The following CAMTA1 variants were observed in gnomAD, a reference collection of about 807,000 sequenced individuals.
The protein encoded by CAMTA1 is calmodulin binding transcription activator 1, also known as calmodulin-binding transcription activator 1.
CAMTA1 carries 27 observed loss-of-function variants against 170.9 expected under a neutral mutation model. The observed-to-expected ratio is 0.16, with a 90% CI of 0.12 to 0.22. The LOEUF (loss-of-function observed/expected upper bound fraction) is 0.22, where lower values mean the gene tolerates loss of function less well. Ranked by LOEUF, CAMTA1 falls within the 10% of genes least tolerant of loss-of-function variation. The probability of loss-of-function intolerance (pLI) is 1.00; values close to 1 mark genes in which losing one functional copy is unlikely to be tolerated. For missense variants in CAMTA1, 1,619 were observed against 2,217.2 expected, an observed-to-expected ratio of 0.73 and a Z score of 5.42; for synonymous variants, 833 against 891.5, an observed-to-expected ratio of 0.93 and a Z score of 1.17.
intron 3 of CAMTA1, 78 bp downstream of exon 3, chr1:6,825,288 A>G (rs1646979141): frequency 1.5e-6 from 1 of 680,448 alleles, no homozygotes; most frequent in South Asian, 1.9e-5. Flanking sequence ...GTCCTACTTT[A>G]TGTTAGCTTT....
rs1311465372 is a variant in CAMTA1, at chr1:7,234,309, C to T, written c.303-15182C>T. ...GTCCTTGCCTTCGCCTCCGCTTCCA[C>T]CCAGATGCTGCGTCCTGGGAGAGGC... On this transcript the variant is annotated intron_variant, in intron 4 of 22. Coordinates refer to ENST00000303635, the MANE Select transcript of CAMTA1 (RefSeq NM_015215.4). The surrounding 1 kb of genome is among the most constrained non-coding windows in gnomAD (Gnocchi z 5.0). Among the ~76,000 whole-genome samples the T allele has an allele frequency of 6.6e-6, 1 of 152,226 alleles. No individual in the cohort carries two copies.
chr1:7,089,491 T>G (rs573718443), intron 3 of CAMTA1, among the ~76,000 whole-genome samples: 1 of 152,274 alleles, frequency 6.6e-6, no homozygotes, highest in African/African-American at 2.4e-5. Context: ...CTCACTCACG[T>G]GTGCATGCAT....
intron 3 of CAMTA1, among the ~76,000 whole-genome samples, chr1:6,841,182 T>G (rs1201589785): frequency 4.6e-5 from 7 of 152,226 alleles, no homozygotes; most frequent in African/African-American, 2.4e-5. Flanking sequence ...TTCTGCCTCT[T>G]TCTTCCACTT....
chr1:7,220,587 T>C (rs530095119), intron 4 of CAMTA1, among the ~76,000 whole-genome samples: 1 of 152,228 alleles, frequency 6.6e-6, no homozygotes, highest in South Asian at 2.1e-4. Context: ...CTTCTCTTGT[T>C]CTCTGTGGGT....
intron 5 of CAMTA1, among the ~76,000 whole-genome samples, chr1:7,356,643 G>A (rs2085137129): frequency 6.6e-6 from 1 of 152,156 alleles, no homozygotes; most frequent in East Asian, 1.9e-4. Context: ...CTGTCCCCAG[G>A]GTCCCTCTAG....
At chr1:6,968,937 C>T (rs1429658077) in intron 3 of CAMTA1, among the ~76,000 whole-genome samples, 15 of 152,080 alleles carry the variant, frequency 9.9e-5, no homozygotes. Context: ...AGGTGGGCTG[C>T]AGAGGCACGG....
chr1:7,640,934 C>T (rs552513713), intron 7 of CAMTA1, among the ~76,000 whole-genome samples: 4 of 152,184 alleles, frequency 2.6e-5, no homozygotes, highest in Admixed American at 2.0e-4. Context: ...CGGACCCTGC[C>T]TCCTGCCTTG....
chr1:7,355,286 A>G (rs897502990), intron 5 of CAMTA1, among the ~76,000 whole-genome samples: 2 of 47,610 alleles, frequency 4.2e-5, no homozygotes, highest in African/African-American at 1.9e-4. Context: ...CGGGAGGCTG[A>G]GGTGGGAAGA....
intron 3 of CAMTA1, among the ~76,000 whole-genome samples, chr1:6,864,536 C>T (rs1486178580): frequency 6.6e-6 from 1 of 152,194 alleles, no homozygotes; most frequent in Non-Finnish European, 1.5e-5. Flanking sequence ...CGTCTCTTGT[C>T]ACCTCTCTCA....
chr1:7,583,492 G>A (rs369511891), intron 6 of CAMTA1, among the ~76,000 whole-genome samples: 11 of 152,220 alleles, frequency 7.2e-5, no homozygotes, highest in East Asian at 1.9e-4. Flanking sequence ...CTGGTGGACC[G>A]GGCTGCACCA....
chr1:7,603,898 C>T (rs1430737849), intron 6 of CAMTA1, among the ~76,000 whole-genome samples: 4 of 152,096 alleles, frequency 2.6e-5, no homozygotes, highest in South Asian at 2.1e-4. Flanking sequence ...AATCTCTCAG[C>T]GTTTGCTTGT....
chr1:6,794,752 G>A (rs1336024457), intron 1 of CAMTA1, among the ~76,000 whole-genome samples: 1 of 152,074 alleles, frequency 6.6e-6, no homozygotes, highest in Non-Finnish European at 1.5e-5. Flanking sequence ...ATTACTAGTT[G>A]TATTTTCAGT....
At chr1:7,545,136 G>A (rs532471116) in intron 6 of CAMTA1, among the ~76,000 whole-genome samples, 18 of 152,222 alleles carry the variant, frequency 1.2e-4, no homozygotes, top group Admixed American at 3.3e-4. Context: ...TGCTTATGCC[G>A]TTATTTTTGT....
intron 1 of CAMTA1, among the ~76,000 whole-genome samples, chr1:6,788,445 C>A (rs11122148): frequency 0.15 from 23,057 of 152,132 alleles, 1,851 homozygotes; most frequent in East Asian, 0.29. Flanking sequence ...AGCATTGAGT[C>A]GTCCAGTGGG....
intron 3 of CAMTA1, among the ~76,000 whole-genome samples, chr1:6,861,733 A>G (rs1273858176): frequency 2.0e-5 from 3 of 152,168 alleles, no homozygotes; most frequent in South Asian, 2.1e-4. Context: ...TAAAATATAC[A>G]TATATAAAAT....
At chr1:7,495,077 C>T (rs1412057758) in intron 6 of CAMTA1, among the ~76,000 whole-genome samples, 3 of 152,084 alleles carry the variant, frequency 2.0e-5, no homozygotes, top group African/African-American at 7.2e-5. Context: ...AGTGGCTGCC[C>T]CCGTCGTTTA....
intron 4 of CAMTA1, among the ~76,000 whole-genome samples, chr1:7,112,021 C>T (rs749247993): frequency 9.2e-5 from 14 of 152,124 alleles, no homozygotes; most frequent in East Asian, 1.9e-4. Context: ...ATGGCTGTCA[C>T]GTATCTCTGT....
chr1:7,758,921 C>T lies in CAMTA1; in HGVS notation c.4989+3253C>T, dbSNP rs1044084251. Among the ~76,000 whole-genome samples the T allele has an allele frequency of 7.9e-5, 9 of 113,440 alleles. No homozygotes were observed. The South Asian group carries it at 8.4e-4, about 11-fold the overall frequency. The allele number at this position is 113,440 out of a possible 152,430, so 74.4% of individuals were successfully genotyped here. ...CTGCAGTCCGGCCTGGGCAAAAGAG[C>T]GAGACTCTGTCTCAAAAAAAAAAAA... On this transcript the variant is annotated intron_variant, in intron 22 of 22. Transcript: ENST00000303635.
chr1:6,912,266 G>A (rs1679876454), intron 3 of CAMTA1, among the ~76,000 whole-genome samples: 1 of 152,224 alleles, frequency 6.6e-6, no homozygotes, highest in South Asian at 2.1e-4. Flanking sequence ...AACCCTGAAG[G>A]TCAAGTTCTT....
Sources: gnomAD v4.1 joint callset for allele counts (sites outside exome capture counted in the v4.1 genomes callset) on GRCh38, gnomAD v4.1.1 for gene constraint, Gnocchi (gnomAD v3.1) non-coding constraint, MANE v1.5 for transcripts, NCBI Gene and HGNC (gene_info 2026-07-23, HGNC 2026-07-21) for gene names.